The following WDR27 variants were observed in gnomAD, a reference collection of about 807,000 sequenced individuals.
WDR27 encodes WD repeat domain 27, also known as WD repeat-containing protein 27.
A neutral mutation model predicts 114.4 loss-of-function variants in WDR27; 100 were observed. The ratio of observed to expected loss-of-function variants is 0.87; its 90% CI spans 0.74 to 1.03. The LOEUF (loss-of-function observed/expected upper bound fraction) is 1.03, where lower values mean the gene tolerates loss of function less well. Ranked by LOEUF, WDR27 falls within the 50% of genes least tolerant of loss-of-function variation. WDR27 has a pLI of 0.00. For synonymous variants in WDR27, 449 were observed against 423.1 expected, an observed-to-expected ratio of 1.06 and a Z score of -0.75; for missense variants, 1,129 against 1,092.9, an observed-to-expected ratio of 1.03 and a Z score of -0.47.
rs1178502187 is a variant in WDR27 at position 169,689,011 on chromosome 6, ATCTG to A, written c.-7-3_-7del. 3.1e-6 allele frequency: 5 copies of A among 1,606,880 alleles called. No homozygotes were observed. Among genetic ancestry groups the A allele is most frequent in the Admixed American group, 3.4e-5 (2 of 58,912 alleles). ...ATGTCTTGGGGATTTTCCATCTTCA[ATCTG>A]AAAACAAAAAGTACATATAAGATGA... is the stretch of plus-strand genomic sequence containing the variant. On this transcript the variant is annotated splice_acceptor_variant and splice_polypyrimidine_tract_variant and 5_prime_UTR_variant and intron_variant, in exon 2 of 26. Coordinates refer to ENST00000448612, the MANE Select transcript of WDR27 (RefSeq NM_182552.5). LOFTEE classifies it low-confidence loss of function (5UTR_SPLICE).
At chr6:169,630,957 C>G (rs540441618) in intron 21 of WDR27, among the ~76,000 whole-genome samples, 1 of 152,234 alleles carries the variant, frequency 6.6e-6, no homozygotes, top group South Asian at 2.1e-4. Flanking sequence ...GTTAGTAACT[C>G]AATTATTAAA....
chr6:169,584,371 T>C (rs1804150161), intron 23 of WDR27, among the ~76,000 whole-genome samples: 1 of 152,238 alleles, frequency 6.6e-6, no homozygotes, highest in Admixed American at 6.5e-5. Flanking sequence ...TTGTGACTAA[T>C]GCTAATGAAC....
intron 21 of WDR27, among the ~76,000 whole-genome samples, chr6:169,626,314 G>T (rs763020209): frequency 6.6e-6 from 1 of 152,168 alleles, no homozygotes. Flanking sequence ...GGGTGACAGA[G>T]GGGGGCTGTG....
the WDR27 span, among the ~76,000 whole-genome samples, chr6:169,429,565 T>C: frequency 6.6e-6 from 1 of 152,116 alleles, no homozygotes; most frequent in Non-Finnish European, 1.5e-5. Flanking sequence ...ATTACTGGAC[T>C]CTTTCTATTT....
chr6:169,536,152 C>T (rs769272463), intron 25 of WDR27, among the ~76,000 whole-genome samples: 2 of 152,050 alleles, frequency 1.3e-5, no homozygotes, highest in Non-Finnish European at 2.9e-5. Flanking sequence ...GCTAATAGTT[C>T]AAAAAAGCAT....
intron 25 of WDR27, among the ~76,000 whole-genome samples, chr6:169,483,003 A>C (rs1432613988): frequency 6.6e-6 from 1 of 152,202 alleles, no homozygotes; most frequent in Non-Finnish European, 1.5e-5. Context: ...CAAAGATACA[A>C]CATACCAGAA....
At chr6:169,692,750 C>T (rs1784836539) in intron 1 of WDR27, among the ~76,000 whole-genome samples, 1 of 152,162 alleles carries the variant, frequency 6.6e-6, no homozygotes, top group African/African-American at 2.4e-5. Flanking sequence ...AGAACCACTC[C>T]CACGTCTCCC....
chr6:169,677,944 C>T (rs1415602174), intron 2 of WDR27, among the ~76,000 whole-genome samples: 1 of 152,234 alleles, frequency 6.6e-6, no homozygotes, highest in African/African-American at 2.4e-5. Flanking sequence ...CAGCCTCCAG[C>T]TAGGTTTCAG....
At chr6:169,667,733 A>C (rs1383721579) in intron 5 of WDR27, among the ~76,000 whole-genome samples, 1 of 152,180 alleles carries the variant, frequency 6.6e-6, no homozygotes, top group Admixed American at 6.5e-5. Context: ...CAGGCCCTGA[A>C]TGCAGTTGTG....
At chr6:169,694,314 A>C (rs1031499623) in intron 1 of WDR27, among the ~76,000 whole-genome samples, 2 of 152,216 alleles carry the variant, frequency 1.3e-5, no homozygotes, top group African/African-American at 4.8e-5. Flanking sequence ...TTTGTCTCAA[A>C]AAAATAAATA....
intron 25 of WDR27, among the ~76,000 whole-genome samples, chr6:169,533,720 T>G (rs1393830721): frequency 6.6e-6 from 1 of 152,208 alleles, no homozygotes; most frequent in Non-Finnish European, 1.5e-5. Flanking sequence ...TCCCATCTGC[T>G]GCAGTGATGA....
At chr6:169,672,592 C>T (rs1038384796) in intron 2 of WDR27, among the ~76,000 whole-genome samples, 196 bp from the exon 3 acceptor site, 3 of 152,224 alleles carry the variant, frequency 2.0e-5, no homozygotes, top group South Asian at 2.1e-4. Flanking sequence ...CATTTCACTG[C>T]TATTCACTGT....
chr6:169,514,223 A>T lies in WDR27; in HGVS notation c.2646-56589T>A, dbSNP rs561139415. Among the ~76,000 whole-genome samples the T allele has an allele frequency of 5.7e-4, 87 of 151,882 alleles. 1 individual carries two copies. Among genetic ancestry groups the T allele is most frequent in the African/African-American group, 1.8e-3 (74 of 41,504 alleles). ...GTAGTTTACATCTTTTTTCAAACAA[A>T]GGATTTTAGTTCAAATAATAGAACA... On this transcript the variant is annotated intron_variant, in intron 25 of 25. Coordinates refer to ENST00000448612, the MANE Select transcript of WDR27 (RefSeq NM_182552.5).
intron 25 of WDR27, among the ~76,000 whole-genome samples, chr6:169,480,273 G>A (rs1008966366): frequency 3.9e-5 from 6 of 152,164 alleles, no homozygotes; most frequent in Admixed American, 1.3e-4. Context: ...CCGCCTCCCC[G>A]CGGGGCAGGG....
chr6:169,593,260 C>T (rs954764448), intron 23 of WDR27, among the ~76,000 whole-genome samples: 11 of 152,140 alleles, frequency 7.2e-5, no homozygotes, highest in Admixed American at 3.3e-4. Flanking sequence ...GGGCCTGGTA[C>T]TATTTCACAA....
At chr6:169,531,880 C>T (rs2128081111) in intron 25 of WDR27, among the ~76,000 whole-genome samples, 1 of 152,226 alleles carries the variant, frequency 6.6e-6, no homozygotes, top group Admixed American at 6.5e-5. Context: ...TCTCAAACTC[C>T]TCGTGATCCG....
rs76944141 is a variant in WDR27, at chr6:169,613,891, G to T, written c.2224-235C>A. Among the ~76,000 whole-genome samples the T allele has an allele frequency of 1.3e-3, 201 of 152,258 alleles. 4 individuals carry two copies. The East Asian group carries it at 0.031, about 24-fold the overall frequency. ...TGTTCTCTTTATGTGTAATGCCACT[G>T]AGAGTTACAGAAGTACAAAATGGTC... is the stretch of plus-strand genomic sequence containing the variant. On this transcript the variant is annotated intron_variant, in intron 21 of 25. Coordinates refer to ENST00000448612, the MANE Select transcript of WDR27 (RefSeq NM_182552.5).
chr6:169,660,841 G>C lies in WDR27; in HGVS notation c.1026-75C>G, dbSNP rs1033940823. 154 of 1,291,490 alleles carry C rather than the reference G, an allele frequency of 1.2e-4. 1 individual carries two copies. The highest frequency in any genetic ancestry group is 1.6e-4 in the Non-Finnish European group (151 of 935,560). 80.0% of individuals were successfully genotyped at this position (1,291,490 alleles called of 1,614,324 possible). A position where few individuals can be genotyped will look rare whatever the true frequency, so the allele number is the denominator to read the frequency against. ...GGTTGGGCCCCACGTGCGCCCCCTGGCCTGGCTGTGAGCTCTCCGCAGGAG... is the reference window on the plus strand; with the variant it reads ...GGTTGGGCCCCACGTGCGCCCCCTGCCCTGGCTGTGAGCTCTCCGCAGGAG... On this transcript the variant is annotated intron_variant, in intron 9 of 25. Transcript: ENST00000448612.
At chr6:169,556,015 C>T (rs1798832568) in intron 25 of WDR27, among the ~76,000 whole-genome samples, 1 of 152,184 alleles carries the variant, frequency 6.6e-6, no homozygotes, top group Non-Finnish European at 1.5e-5. Flanking sequence ...CATGTGACCC[C>T]TGTCTGTGAG....
Sources: gnomAD v4.1 joint callset for allele counts (sites outside exome capture counted in the v4.1 genomes callset) on GRCh38, gnomAD v4.1.1 for gene constraint, MANE v1.5 for transcripts, NCBI Gene and HGNC (gene_info 2026-07-23, HGNC 2026-07-21) for gene names.